HTR2C: variants seen among roughly 807,000 people sequenced by gnomAD.
The protein encoded by HTR2C is 5-hydroxytryptamine (serotonin) receptor 2C, G protein-coupled.
In HTR2C, 5 loss-of-function variants were observed where a neutral mutation model predicts 21.0. That is an observed-to-expected ratio of 0.24 (90% CI 0.12 to 0.50). The LOEUF is 0.50. Ranked by LOEUF, HTR2C falls within the 20% of genes least tolerant of loss-of-function variation. The pLI, the probability that HTR2C is intolerant of heterozygous loss-of-function variation, is 0.98. For synonymous variants in HTR2C, 150 were observed against 145.3 expected, an observed-to-expected ratio of 1.03 and a Z score of -0.23; for missense variants, 271 against 371.2, an observed-to-expected ratio of 0.73 and a Z score of 2.22.
chrX:114,588,028 C>T (rs1556390115), intron 1 of HTR2C, among the ~76,000 whole-genome samples: 2 of 112,441 alleles, frequency 1.8e-5, no homozygotes, highest in African/African-American at 6.5e-5. Flanking sequence ...TTGTCTCCTA[C>T]CTGGCATCTC....
At chrX:114,653,275 T>C (rs1930655399) in intron 2 of HTR2C, among the ~76,000 whole-genome samples, 1 of 110,888 alleles carries the variant, frequency 9.0e-6, no homozygotes, top group African/African-American at 3.3e-5. Context: ...TGAAAATAAC[T>C]TCAGTTATGT....
chrX:114,683,237 T>A (rs1418564180), intron 2 of HTR2C, among the ~76,000 whole-genome samples: 1 of 112,115 alleles, frequency 8.9e-6, no homozygotes, highest in Non-Finnish European at 1.9e-5. Context: ...GAAAAATAAA[T>A]GATGAATATA....
intron 2 of HTR2C, among the ~76,000 whole-genome samples, chrX:114,709,002 C>T (rs1556418858): frequency 8.9e-6 from 1 of 111,764 alleles, no homozygotes; most frequent in Non-Finnish European, 1.9e-5. Context: ...ATATCAAAGG[C>T]AGTGCTATCT....
intron 1 of HTR2C, among the ~76,000 whole-genome samples, chrX:114,602,305 T>TG (rs1187397546): frequency 0.06 from 909 of 15,199 alleles, 222 homozygotes; most frequent in African/African-American, 0.19. Context: ...AGTTTTTTTT[T>TG]GGGGGGGCAC....
chrX:114,838,873 T>C (rs2070809914), intron 4 of HTR2C, among the ~76,000 whole-genome samples: 1 of 112,243 alleles, frequency 8.9e-6, no homozygotes, highest in Admixed American at 9.4e-5. Context: ...GGAGCTTATG[T>C]TCTAATGGTT....
intron 5 of HTR2C, among the ~76,000 whole-genome samples, chrX:114,886,279 A>G (rs2071219541): frequency 9.0e-6 from 1 of 110,594 alleles, no homozygotes; most frequent in Non-Finnish European, 1.9e-5. Context: ...CATTAGTTGG[A>G]TCATGATTTT....
chrX:114,809,057 G>T (rs1389000462), intron 4 of HTR2C, among the ~76,000 whole-genome samples: 1 of 110,841 alleles, frequency 9.0e-6, no homozygotes, highest in African/African-American at 3.3e-5. Flanking sequence ...GACAAATCCA[G>T]CCAGGCCTGT....
intron 1 of HTR2C, among the ~76,000 whole-genome samples, chrX:114,608,050 G>A (rs1928547145): frequency 9.0e-6 from 1 of 111,411 alleles, no homozygotes; most frequent in African/African-American, 3.3e-5. Flanking sequence ...CTTTTATTAT[G>A]TAAAAGTAAT....
chrX:114,703,990 C>A (rs913831136), intron 2 of HTR2C, among the ~76,000 whole-genome samples: 1 of 109,684 alleles, frequency 9.1e-6, no homozygotes, highest in African/African-American at 3.3e-5. Context: ...ACACATACAC[C>A]CTCCCAAGAA....
intron 2 of HTR2C, among the ~76,000 whole-genome samples, chrX:114,705,581 G>C (rs1353774035): frequency 9.3e-6 from 1 of 107,245 alleles, no homozygotes; most frequent in African/African-American, 3.4e-5. Context: ...AGACTTAAAG[G>C]TTAGACCTAA....
intron 2 of HTR2C, among the ~76,000 whole-genome samples, chrX:114,661,162 G>A (rs1338032179): frequency 8.9e-6 from 1 of 111,743 alleles, no homozygotes; most frequent in Non-Finnish European, 1.9e-5. Context: ...TCTGGTTTGA[G>A]TGGAAAAGTT....
intron 2 of HTR2C, among the ~76,000 whole-genome samples, chrX:114,623,302 T>C (rs782683040): frequency 1.8e-5 from 2 of 112,483 alleles, no homozygotes; most frequent in South Asian, 3.6e-4. Flanking sequence ...ACATACCAGA[T>C]GTTAAACAAA....
intron 5 of HTR2C, among the ~76,000 whole-genome samples, chrX:114,872,616 T>C (rs2071101267): frequency 9.0e-6 from 1 of 111,051 alleles, no homozygotes; most frequent in Non-Finnish European, 1.9e-5. Context: ...TTCCCAAATT[T>C]CCTGTTGTTG....
chrX:114,801,000 G>T (rs1193169729), intron 4 of HTR2C, among the ~76,000 whole-genome samples: 2 of 111,257 alleles, frequency 1.8e-5, no homozygotes, highest in Non-Finnish European at 3.8e-5. Context: ...AGCAGTGAAA[G>T]AACTTAGAGA....
chrX:114,670,394 CAAAAAAAAAA>C (rs35858180), intron 2 of HTR2C, among the ~76,000 whole-genome samples: 1 of 63,528 alleles, frequency 1.6e-5, no homozygotes, highest in Non-Finnish European at 2.9e-5. Flanking sequence ...TACTCTGTCT[CAAAAAAAAAA>C]AAAAAAAAAA....
intron 2 of HTR2C, among the ~76,000 whole-genome samples, chrX:114,704,162 C>T (rs1428479237): frequency 6.3e-5 from 7 of 111,535 alleles, no homozygotes; most frequent in Non-Finnish European, 1.9e-5. Context: ...CATTCTGAAA[C>T]TATTCCAATC....
At chrX:114,779,441 T>G (rs1307808232) in intron 4 of HTR2C, among the ~76,000 whole-genome samples, 1 of 111,706 alleles carries the variant, frequency 9.0e-6, no homozygotes, top group Non-Finnish European at 1.9e-5. Flanking sequence ...TTTCAGAGTG[T>G]ACCTGTTAAC....
intron 5 of HTR2C, among the ~76,000 whole-genome samples, chrX:114,852,850 C>T (rs892048207): frequency 1.2e-4 from 13 of 109,205 alleles, no homozygotes; most frequent in Non-Finnish European, 1.9e-4. Flanking sequence ...TGCGCGCGCG[C>T]GTGCATGTGT....
At chrX:114,681,294 G>T (rs1226374097) in intron 2 of HTR2C, among the ~76,000 whole-genome samples, 2 of 111,154 alleles carry the variant, frequency 1.8e-5, no homozygotes, top group African/African-American at 6.5e-5. Flanking sequence ...ATATAGCATT[G>T]TTAAATCACC....
Sources: gnomAD v4.1 joint callset for allele counts (sites outside exome capture counted in the v4.1 genomes callset) on GRCh38, gnomAD v4.1.1 for gene constraint, MANE v1.5 for transcripts, NCBI Gene and HGNC (gene_info 2026-07-23, HGNC 2026-07-21) for gene names.